The following CDH13 variants were observed in gnomAD, a reference collection of about 807,000 sequenced individuals.
The protein encoded by CDH13 is cadherin-13.
In CDH13, 24 loss-of-function variants were observed where a neutral mutation model predicts 63.8. That is an observed-to-expected ratio of 0.38 (90% CI 0.27 to 0.53). CDH13 has a LOEUF of 0.53. Among genes scored for constraint, CDH13 ranks in the 20% least tolerant of loss-of-function variants. The probability of loss-of-function intolerance (pLI) is 0.85; values close to 1 mark genes in which losing one functional copy is unlikely to be tolerated. For missense variants in CDH13, 1,049 were observed against 903.1 expected (o/e 1.16, Z -2.07); for synonymous variants, 503 against 355.3 (o/e 1.42, Z -4.67).
At chr16:83,756,605 T>C (rs537587809) in intron 11 of CDH13, among the ~76,000 whole-genome samples, 38 of 152,336 alleles carry the variant, frequency 2.5e-4, no homozygotes, top group African/African-American at 9.1e-4. Flanking sequence ...GTATTGTATG[T>C]GTGGCCCAAG....
At chr16:83,396,611 C>G (rs2091890357) in intron 6 of CDH13, 1 of 151,852 alleles carries the variant, frequency 6.6e-6, no homozygotes, top group African/African-American at 2.4e-5. Context: ...CTCTCTCATC[C>G]TCACCCACCA....
At chr16:83,111,661 T>C (rs997862344) in intron 3 of CDH13, among the ~76,000 whole-genome samples, 5 of 152,140 alleles carry the variant, frequency 3.3e-5, no homozygotes, top group African/African-American at 1.2e-4. Flanking sequence ...CACTCAGGCA[T>C]TGGATTGGAG....
rs533214181 is a variant in CDH13, at chr16:83,523,370, G to C, written c.960+36715G>C. On this transcript the variant is annotated intron_variant, in intron 7 of 13. Coordinates refer to ENST00000567109, the MANE Select transcript of CDH13 (RefSeq NM_001257.5). ...TGGTTGAACATGATTTCCTATTCAT[G>C]ATGACCTAGCCCATGCTCTTCAATC... Among the ~76,000 whole-genome samples the C allele has an allele frequency of 1.6e-4, 25 of 152,316 alleles. No homozygotes were observed. The East Asian group carries it at 4.4e-3, about 27-fold the overall frequency.
At chr16:83,575,256 T>TATGCTAAAAAC (rs1303881437) in intron 7 of CDH13, among the ~76,000 whole-genome samples, 2 of 152,214 alleles carry the variant, frequency 1.3e-5, no homozygotes, top group Non-Finnish European at 2.9e-5. Flanking sequence ...ACTCTGTAAA[T>TATGCTAAAAAC]ATGCTAAAAA....
At chr16:82,646,531 C>T (rs1469447086) in intron 1 of CDH13, among the ~76,000 whole-genome samples, 1 of 152,080 alleles carries the variant, frequency 6.6e-6, no homozygotes, top group South Asian at 2.1e-4. Flanking sequence ...GCTGCATGGT[C>T]TGTGAAAAGT....
chr16:83,307,843 C>T (rs750333094), intron 5 of CDH13, among the ~76,000 whole-genome samples: 2 of 152,124 alleles, frequency 1.3e-5, no homozygotes, highest in Non-Finnish European at 2.9e-5. Flanking sequence ...TAATTATTTG[C>T]CGGTAATATG....
At chr16:82,937,436 CAG>C (rs1567677161) in intron 2 of CDH13, among the ~76,000 whole-genome samples, 2 of 149,488 alleles carry the variant, frequency 1.3e-5, no homozygotes, top group Non-Finnish European at 3.0e-5. Flanking sequence ...CACACACACA[CAG>C]ACACACACAC....
chr16:83,557,806 C>A (rs189312073), intron 7 of CDH13, among the ~76,000 whole-genome samples: 2 of 152,208 alleles, frequency 1.3e-5, no homozygotes, highest in East Asian at 3.9e-4. Context: ...TTTCAGACTT[C>A]CCCAGCCACC....
chr16:83,013,998 C>A (rs567698904), intron 2 of CDH13, among the ~76,000 whole-genome samples: 2 of 152,186 alleles, frequency 1.3e-5, no homozygotes, highest in African/African-American at 4.8e-5. Flanking sequence ...ATATAACAGG[C>A]CTTTGCTAAA....
chr16:82,823,988 A>G (rs2038125745), intron 1 of CDH13: 1 of 152,164 alleles, frequency 6.6e-6, no homozygotes, highest in Admixed American at 6.5e-5. Flanking sequence ...TTTCTAGCAA[A>G]AGAAACCAAG....
chr16:83,630,771 G>A (rs1184797011), intron 8 of CDH13, among the ~76,000 whole-genome samples: 1 of 152,162 alleles, frequency 6.6e-6, no homozygotes, highest in Non-Finnish European at 1.5e-5. Flanking sequence ...TTAGAGTAAA[G>A]ATCTTGAGGC....
chr16:83,759,024 G>A lies in CDH13; in HGVS notation c.1681+10774G>A, dbSNP rs142963891. Among the ~76,000 whole-genome samples the A allele has an allele frequency of 5.9e-5, 9 of 152,308 alleles. No individual in the cohort carries two copies. In the East Asian group the frequency reaches 1.5e-3, roughly 26 times the overall value. On this transcript the variant is annotated intron_variant, in intron 11 of 13. Coordinates refer to ENST00000567109, the MANE Select transcript of CDH13 (RefSeq NM_001257.5). Reference sequence around the variant, plus strand: ...AAGTCCCAATCCCAGCATGGGGATCGGGGCAGAAATTGATACACTGATTAT... The same window carrying A: ...AAGTCCCAATCCCAGCATGGGGATCAGGGCAGAAATTGATACACTGATTAT...
At chr16:82,654,144 G>T (rs1911042485) in intron 1 of CDH13, among the ~76,000 whole-genome samples, 3 of 152,142 alleles carry the variant, frequency 2.0e-5, no homozygotes, top group Admixed American at 2.0e-4. Flanking sequence ...GCCAGTGGGG[G>T]AGGTCCTGAG....
rs149070820 is a variant in CDH13, at chr16:83,130,161, C to G, written c.483+4660C>G. 3.8e-4 allele frequency among the ~76,000 whole-genome samples: 58 copies of G among 152,308 alleles called. 1 individual carries two copies. Among genetic ancestry groups the G allele is most frequent in the African/African-American group, 1.3e-3 (55 of 41,562 alleles). On this transcript the variant is annotated intron_variant, in intron 4 of 13. Coordinates refer to ENST00000567109, the MANE Select transcript of CDH13 (RefSeq NM_001257.5). The stretch of plus-strand genomic sequence containing the variant: ...TACAAAAGAGGTGACAATATCAGCA[C>G]ATAGTCATTATTTGTCCAGCACTGT...
At chr16:82,898,410 G>A (rs372072878) in intron 2 of CDH13, among the ~76,000 whole-genome samples, 7 of 152,108 alleles carry the variant, frequency 4.6e-5, no homozygotes, top group South Asian at 2.1e-4. Flanking sequence ...CTGTAATTCC[G>A]GCTACTCAGG....
At chr16:82,705,224 A>C (rs879839068) in intron 1 of CDH13, 22 of 451,982 alleles carry the variant, frequency 4.9e-5, no homozygotes, top group Admixed American at 2.9e-4. Flanking sequence ...TATATAGCAC[A>C]TGAGAGGGAG....
intron 1 of CDH13, among the ~76,000 whole-genome samples, chr16:82,850,873 T>C (rs2039453436): frequency 6.6e-6 from 1 of 152,216 alleles, no homozygotes; most frequent in Non-Finnish European, 1.5e-5. Flanking sequence ...AATTAAGGTA[T>C]GTACATTGTT....
intron 7 of CDH13, among the ~76,000 whole-genome samples, chr16:83,577,020 A>G (rs1307384400): frequency 2.0e-5 from 3 of 152,232 alleles, no homozygotes; most frequent in African/African-American, 7.2e-5. Context: ...GTCCAGTGAC[A>G]GGCATTTAGA....
At chr16:83,691,050 G>A (rs1429696086) in intron 10 of CDH13, among the ~76,000 whole-genome samples, 1 of 150,236 alleles carries the variant, frequency 6.7e-6, no homozygotes, top group African/African-American at 2.4e-5. Flanking sequence ...CTGGTGACAG[G>A]GATTTGCTAA....
Sources: allele counts gnomAD v4.1 joint callset (sites outside exome capture counted in the v4.1 genomes callset), GRCh38; gene constraint gnomAD v4.1.1; transcripts MANE v1.5; gene names NCBI Gene and HGNC (gene_info 2026-07-23, HGNC 2026-07-21).